The following PEX7 variants were observed in gnomAD, a reference collection of about 807,000 sequenced individuals.
PEX7 encodes the protein PTS2 receptor.
In PEX7, 34 loss-of-function variants were observed where a neutral mutation model predicts 47.5. The ratio of observed to expected loss-of-function variants is 0.72; its 90% CI spans 0.54 to 0.95. The LOEUF is 0.95. Ranked by LOEUF, PEX7 falls within the 40% of genes least tolerant of loss-of-function variation. The pLI, the probability that PEX7 is intolerant of heterozygous loss-of-function variation, is 0.00. For synonymous variants in PEX7, 141 were observed against 148.8 expected (o/e 0.95, Z 0.38); for missense variants, 394 against 400.3 (o/e 0.98, Z 0.13).
At chr6:136,823,850 A>T (rs1183222762) in intron 1 of PEX7, among the ~76,000 whole-genome samples, 5 of 152,224 alleles carry the variant, frequency 3.3e-5, no homozygotes, top group African/African-American at 7.2e-5. Flanking sequence ...AGATCGTGCC[A>T]TTGCACTCCA....
chr6:136,875,859 G>A (rs756389098), intron 8 of PEX7, among the ~76,000 whole-genome samples: 1 of 152,070 alleles, frequency 6.6e-6, no homozygotes, highest in Non-Finnish European at 1.5e-5. Context: ...AGATATTATG[G>A]TGAATTGAGA....
intron 5 of PEX7, among the ~76,000 whole-genome samples, chr6:136,846,940 T>G (rs1428115641): frequency 6.6e-6 from 1 of 152,228 alleles, no homozygotes; most frequent in Non-Finnish European, 1.5e-5. Context: ...ATGGTTGAAC[T>G]AGTTTACAGT....
At chr6:136,864,667 A>G (rs1459970274) in intron 5 of PEX7, among the ~76,000 whole-genome samples, 3 of 152,234 alleles carry the variant, frequency 2.0e-5, no homozygotes, top group Admixed American at 6.5e-5. Context: ...GAATATAGGA[A>G]AATATATGTA....
At chr6:136,872,997 TCTC>T (rs1775208969) in intron 8 of PEX7, among the ~76,000 whole-genome samples, 1 of 152,178 alleles carries the variant, frequency 6.6e-6, no homozygotes, top group Non-Finnish European at 1.5e-5. Flanking sequence ...TTAGGTTAAT[TCTC>T]CTCTTCTCTG....
chr6:136,865,777 C>A (rs557965950), intron 5 of PEX7, among the ~76,000 whole-genome samples: 3 of 151,588 alleles, frequency 2.0e-5, no homozygotes, highest in Admixed American at 1.3e-4. Flanking sequence ...GACTCTGTCT[C>A]AAAAAAATAT....
At chr6:136,836,457 T>C (rs1024199501) in intron 3 of PEX7, among the ~76,000 whole-genome samples, 39 of 152,166 alleles carry the variant, frequency 2.6e-4, no homozygotes, top group African/African-American at 8.4e-4. Context: ...CTTGGAACCA[T>C]TGAAATGTTT....
At chr6:136,886,293 A>T (rs556740797) in intron 8 of PEX7, among the ~76,000 whole-genome samples, 1 of 152,260 alleles carries the variant, frequency 6.6e-6, no homozygotes, top group African/African-American at 2.4e-5. Flanking sequence ...TTAGACATCT[A>T]TTATGTAGTG....
intron 8 of PEX7, among the ~76,000 whole-genome samples, chr6:136,891,853 C>T (rs969257227): frequency 6.6e-6 from 1 of 152,158 alleles, no homozygotes; most frequent in Non-Finnish European, 1.5e-5. Flanking sequence ...TCACGTTGCC[C>T]AGGCTGGGCT....
chr6:136,877,573 C>G (rs1562749244), intron 8 of PEX7, among the ~76,000 whole-genome samples: 1 of 152,168 alleles, frequency 6.6e-6, no homozygotes, highest in East Asian at 1.9e-4. Flanking sequence ...AATAGGGAAA[C>G]CTTCCCCCAT....
intron 7 of PEX7, 26 bp downstream of exon 7, chr6:136,870,029 T>C: frequency 7.4e-7 from 1 of 1,353,400 alleles, no homozygotes; most frequent in Non-Finnish European, 1.1e-6. Flanking sequence ...TTCTTTTATA[T>C]GTAGAATAAA....
At chr6:136,877,302 GA>G (rs748845856) in intron 8 of PEX7, among the ~76,000 whole-genome samples, 3 of 152,102 alleles carry the variant, frequency 2.0e-5, no homozygotes, top group Non-Finnish European at 4.4e-5. Flanking sequence ...TTGCTGTACA[GA>G]AGCTCTTTAG....
intron 8 of PEX7, among the ~76,000 whole-genome samples, chr6:136,892,392 G>C (rs924629853): frequency 1.3e-5 from 2 of 152,120 alleles, no homozygotes; most frequent in Non-Finnish European, 2.9e-5. Flanking sequence ...GCATGACCTA[G>C]GCCTAGAGAA....
At chr6:136,861,349 C>T (rs1774960854) in intron 5 of PEX7, among the ~76,000 whole-genome samples, 1 of 152,246 alleles carries the variant, frequency 6.6e-6, no homozygotes, top group Middle Eastern at 3.4e-3. Context: ...TTCCAAAGTG[C>T]TAGGATTACA....
rs1330254343 is a variant in PEX7, at chr6:136,822,695, G to T, written c.30G>T (p.Arg10=). ...GTGCGGTGTGCGGTGGAGCGGCGCG[G>T]ATGCTGCGGACGCCGGGACGCCACG... MSAVCGGAA[R]MLRTPGRHGY... The change falls in exon 1 of 10, where the codon CGG becomes CGT. Residue 10 remains arginine, a synonymous_variant. Coordinates refer to ENST00000318471, the MANE Select transcript of PEX7 (RefSeq NM_000288.4). 2 of 1,520,076 alleles carry T rather than the reference G, an allele frequency of 1.3e-6. No individual in the cohort carries two copies. The allele number at this position is 1,520,076 out of a possible 1,614,324, so 94.2% of individuals were successfully genotyped here.
At chr6:136,882,619 T>C (rs774546968) in intron 8 of PEX7, among the ~76,000 whole-genome samples, 7 of 152,142 alleles carry the variant, frequency 4.6e-5, no homozygotes, top group Non-Finnish European at 1.0e-4. Flanking sequence ...GGCCTGCAGA[T>C]TTTCTCTAAA....
At chr6:136,823,958 A>G (rs372509970) in intron 1 of PEX7, among the ~76,000 whole-genome samples, 6 of 152,344 alleles carry the variant, frequency 3.9e-5, no homozygotes, top group South Asian at 2.1e-4. Context: ...CTTTTGCCTT[A>G]ATTCATGTCC....
At chr6:136,897,636 C>T (rs1031700721) in intron 8 of PEX7, among the ~76,000 whole-genome samples, 2 of 152,090 alleles carry the variant, frequency 1.3e-5, no homozygotes, top group African/African-American at 4.8e-5. Context: ...CATAAGAGAA[C>T]AGATTTTTTT....
intron 3 of PEX7, among the ~76,000 whole-genome samples, chr6:136,828,589 T>C (rs914539902): frequency 6.6e-6 from 1 of 152,226 alleles, no homozygotes; most frequent in African/African-American, 2.4e-5. Context: ...TGTGCACTTG[T>C]CATTTCATTG....
At chr6:136,838,410 A>G (rs746688720) in intron 3 of PEX7, among the ~76,000 whole-genome samples, 7 of 152,214 alleles carry the variant, frequency 4.6e-5, no homozygotes, top group Non-Finnish European at 7.3e-5. Flanking sequence ...TTTTTCAACA[A>G]GTAAATGTTA....
Sources: allele counts gnomAD v4.1 joint callset (sites outside exome capture counted in the v4.1 genomes callset), GRCh38; gene constraint gnomAD v4.1.1; transcripts MANE v1.5; gene names NCBI Gene and HGNC (gene_info 2026-07-23, HGNC 2026-07-21).